The following ATIC variants were observed in gnomAD, a reference collection of about 807,000 sequenced individuals.
The protein encoded by ATIC is 5-aminoimidazole-4-carboxamide ribonucleotide formyltransferase/IMP cyclohydrolase, also known as bifunctional purine biosynthesis protein ATIC.
In ATIC, 64 loss-of-function variants were observed where a neutral mutation model predicts 72.5. The ratio of observed to expected loss-of-function variants is 0.88; its 90% CI spans 0.72 to 1.09. The LOEUF is 1.09. ATIC is among the 50% of genes least tolerant of loss of function. The probability of loss-of-function intolerance (pLI) is 0.00; values close to 1 mark genes in which losing one functional copy is unlikely to be tolerated. For missense variants in ATIC, 787 were observed against 732.4 expected (o/e 1.07, Z -0.86); for synonymous variants, 281 against 267.1 (o/e 1.05, Z -0.51).
chr2:215,318,502 G>A (rs1050400723), intron 3 of ATIC, among the ~76,000 whole-genome samples: 1 of 152,132 alleles, frequency 6.6e-6, no homozygotes, highest in African/African-American at 2.4e-5. Flanking sequence ...TCCTGCTCAA[G>A]TTGCTGAAGA....
chr2:215,324,167 G>T (rs1158008796), intron 4 of ATIC, among the ~76,000 whole-genome samples: 1 of 152,228 alleles, frequency 6.6e-6, no homozygotes, highest in Non-Finnish European at 1.5e-5. Context: ...AAAGTGCTGG[G>T]ATTATAGGCA....
At chr2:215,360,847 T>C in the ATIC span, 2 of 152,660 alleles carry the variant, frequency 1.3e-5, no homozygotes, top group Non-Finnish European at 2.9e-5. Flanking sequence ...TTATATCAAA[T>C]AGATGAACTT....
chr2:215,358,818 A>AAAG, the ATIC span, among the ~76,000 whole-genome samples: 2 of 152,218 alleles, frequency 1.3e-5, no homozygotes, highest in African/African-American at 4.8e-5. Flanking sequence ...TTTCAACATA[A>AAAG]AAGTAAAGGG....
At position 215,338,831 on chromosome 2, in the gene ATIC, T is replaced by G; in HGVS notation, c.1151T>G (p.Leu384Arg). ...DENEVRTLFGLHLSQKRNNGV... is the reference protein window; with the variant it reads ...DENEVRTLFGRHLSQKRNNGV... ...AATGAAGTTCGAACTCTCTTTGGTCTTCATTTAAGCCAGAAGAGAAATAAT... is the reference window on the plus strand; with the variant it reads ...AATGAAGTTCGAACTCTCTTTGGTCGTCATTTAAGCCAGAAGAGAAATAAT... Residue 384 changes from leucine to arginine, a missense_variant, in exon 12 of 16, where the codon CTT (leucine) becomes CGT (arginine). Coordinates refer to ENST00000236959, the MANE Select transcript of ATIC (RefSeq NM_004044.7). 6.2e-7 allele frequency: 1 copy of G among 1,613,932 alleles called. No homozygotes were observed. Among genetic ancestry groups the G allele is most frequent in the Non-Finnish European group, 8.5e-7 (1 of 1,179,904 alleles).
chr2:215,316,765 A>G (rs1228397665), intron 2 of ATIC, among the ~76,000 whole-genome samples: 16 of 151,942 alleles, frequency 1.1e-4, no homozygotes, highest in Non-Finnish European at 1.5e-5. Context: ...ATTTTTATGT[A>G]TTTATTTATT....
intron 4 of ATIC, among the ~76,000 whole-genome samples, chr2:215,324,579 T>G (rs779446147): frequency 7.9e-5 from 12 of 152,220 alleles, no homozygotes; most frequent in Non-Finnish European, 1.6e-4. Flanking sequence ...GTTTTTGTTT[T>G]TGTTTTTTTT....
intron 8 of ATIC, among the ~76,000 whole-genome samples, 184 bp from the exon 9 acceptor site, chr2:215,333,166 C>T (rs970813283): frequency 5.9e-5 from 9 of 152,200 alleles, no homozygotes; most frequent in African/African-American, 2.2e-4. Flanking sequence ...ATTTCCCTCA[C>T]ACTGCTCCCA....
chr2:215,336,194 C>G, intron 11 of ATIC, 70 bp downstream of exon 11: 1 of 1,192,552 alleles, frequency 8.4e-7, no homozygotes. Context: ...CTTGTTTACT[C>G]TTTCCTTTAT....
At chr2:215,356,642 A>G in the ATIC span, among the ~76,000 whole-genome samples, 20 of 152,212 alleles carry the variant, frequency 1.3e-4, no homozygotes, top group Admixed American at 2.6e-4. Flanking sequence ...GCAACCATAA[A>G]TCTACCTTTT....
Position 215,334,947 on chromosome 2 carries a change from T to C in ATIC, c.951T>C (p.Asp317=). Residue 317 remains aspartate, a synonymous_variant, in exon 10 of 16, where the codon GAT becomes GAC. Transcript: ENST00000236959. ...RGADRMSSFG[D]FVALSDVCDV... ...CTGATAGGATGTCTTCATTTGGTGATTTTGTTGCATTGTCCGATGTTTGTG... is the reference window on the plus strand; with the variant it reads ...CTGATAGGATGTCTTCATTTGGTGACTTTGTTGCATTGTCCGATGTTTGTG... The C allele has an allele frequency of 6.2e-7, 1 of 1,613,696 alleles. No individual in the cohort carries two copies. Among genetic ancestry groups the C allele is most frequent in the Non-Finnish European group, 8.5e-7 (1 of 1,179,764 alleles).
At chr2:215,340,200 T>C (rs2053004668) in intron 12 of ATIC, among the ~76,000 whole-genome samples, 1 of 152,220 alleles carries the variant, frequency 6.6e-6, no homozygotes, top group African/African-American at 2.4e-5. Flanking sequence ...AGGATAATAA[T>C]GGTGATTTTT....
At chr2:215,326,375 C>T (rs527514428) in intron 6 of ATIC, among the ~76,000 whole-genome samples, 88 of 152,148 alleles carry the variant, frequency 5.8e-4, no homozygotes, top group African/African-American at 2.0e-3. Context: ...GAGGCCGAGG[C>T]GGGCGGATCA....
Position 215,344,772 on chromosome 2 carries a change from G to GT in ATIC, c.1228-4dup. On this transcript the variant is annotated splice_region_variant and splice_polypyrimidine_tract_variant and intron_variant, in intron 12 of 15. Coordinates refer to ENST00000236959, the MANE Select transcript of ATIC (RefSeq NM_004044.7). ...CCATGCAATTTACCATTGTGTATGT[G>GT]TTTCAGTTGCCAGAGTCTGCCCTCC... is the stretch of plus-strand genomic sequence containing the variant. The GT allele has an allele frequency of 6.2e-7, 1 of 1,613,002 alleles. No individual in the cohort carries two copies. Among genetic ancestry groups the GT allele is most frequent in the Non-Finnish European group, 8.5e-7 (1 of 1,179,156 alleles).
intron 13 of ATIC, 22 bp downstream of exon 13, chr2:215,344,893 C>T (rs1422263703): frequency 1.9e-6 from 3 of 1,600,904 alleles, no homozygotes; most frequent in Non-Finnish European, 2.6e-6. Flanking sequence ...GTTGGACTCG[C>T]CTTCGGGGGA....
chr2:215,316,140 A>G (rs2052705958), intron 2 of ATIC, among the ~76,000 whole-genome samples: 1 of 152,206 alleles, frequency 6.6e-6, no homozygotes, highest in African/African-American at 2.4e-5. Flanking sequence ...TACAGCCATT[A>G]TGTATAAATT....
At chr2:215,362,111 G>T in the ATIC span, 2 of 1,513,336 alleles carry the variant, frequency 1.3e-6, no homozygotes, top group Non-Finnish European at 1.8e-6. Context: ...GTCAAATGGG[G>T]TTTATGATAA....
intron 9 of ATIC, 29 bp downstream of exon 9, chr2:215,333,486 G>A: frequency 6.3e-7 from 1 of 1,581,762 alleles, no homozygotes; most frequent in Non-Finnish European, 8.7e-7. Flanking sequence ...TTTGATTTGG[G>A]GGAGAAAGAA....
the ATIC span, chr2:215,361,626 T>A: frequency 6.2e-7 from 1 of 1,607,804 alleles, no homozygotes; most frequent in South Asian, 1.1e-5. Context: ...CAATTAACAT[T>A]CTGTTAAAAA....
chr2:215,350,681 T>A (rs1299698083), downstream of ATIC, among the ~76,000 whole-genome samples: 1 of 152,206 alleles, frequency 6.6e-6, no homozygotes. Flanking sequence ...GCTCAGAAAT[T>A]GTACCCAATA....
Sources: gnomAD v4.1 joint callset for allele counts (sites outside exome capture counted in the v4.1 genomes callset) on GRCh38, gnomAD v4.1.1 for gene constraint, MANE v1.5 for transcripts, NCBI Gene and HGNC (gene_info 2026-07-23, HGNC 2026-07-21) for gene names.